Variants in SH3PXD2A observed in about 807,000 individuals in gnomAD.
SH3PXD2A encodes SH3 and PX domains 2A, also known as SH3 and PX domain-containing protein 2A.
A neutral mutation model predicts 115.2 loss-of-function variants in SH3PXD2A; 32 were observed. The observed-to-expected ratio is 0.28, with a 90% CI of 0.21 to 0.37. SH3PXD2A has a LOEUF of 0.37. SH3PXD2A is among the 10% of genes least tolerant of loss of function. The pLI is 1.00. For missense variants in SH3PXD2A, 1,328 were observed against 1,498.7 expected (o/e 0.89, Z 1.88); for synonymous variants, 610 against 629.1 (o/e 0.97, Z 0.45).
intron 5 of SH3PXD2A, chr10:103,693,294 CCCCGCCCCGCCCCAG>C (rs2037784197): frequency 6.7e-6 from 1 of 149,270 alleles, no homozygotes. Context: ...GCCCGCCCCG[CCCCGCCCCGCCCCAG>C]CCCGCCCCGC....
intron 5 of SH3PXD2A, among the ~76,000 whole-genome samples, chr10:103,699,055 AT>A (rs1434682348): frequency 6.6e-6 from 1 of 151,990 alleles, no homozygotes; most frequent in Non-Finnish European, 1.5e-5. Context: ...TTGGGGAGTG[AT>A]TTGGTCAGAT....
chr10:103,631,520 A>G (rs1020071091), intron 8 of SH3PXD2A, among the ~76,000 whole-genome samples: 2 of 152,172 alleles, frequency 1.3e-5, no homozygotes, highest in African/African-American at 4.8e-5. Flanking sequence ...AATCATTTGA[A>G]CAGAGACAGT....
chr10:103,644,520 T>C (rs546860098), intron 8 of SH3PXD2A, among the ~76,000 whole-genome samples: 6 of 144,674 alleles, frequency 4.1e-5, no homozygotes, highest in African/African-American at 1.0e-4. Flanking sequence ...CAGGAGGTCA[T>C]AGCTGCAATG....
intron 5 of SH3PXD2A, among the ~76,000 whole-genome samples, chr10:103,715,761 T>G (rs1003674738): frequency 3.3e-5 from 5 of 152,218 alleles, no homozygotes; most frequent in South Asian, 2.1e-4. Context: ...AGGCCAGACC[T>G]GGCATTCGAC....
In SH3PXD2A at chr10:103,698,316, G is replaced by A. The variant is rs74154595; in HGVS notation, c.399-5260C>T. Among the ~76,000 whole-genome samples the A allele has an allele frequency of 2.0e-3, 309 of 152,294 alleles. 2 individuals carry two copies. The highest frequency in any genetic ancestry group is 6.8e-3 in the African/African-American group (283 of 41,556). ...TGCAGGGTTGTACCCTCCACTGCCC[G>A]CCACACCCCTCACCACTCTCCCTCC... On this transcript the variant is annotated intron_variant, in intron 5 of 14. Transcript: ENST00000369774.
intron 2 of SH3PXD2A, among the ~76,000 whole-genome samples, chr10:103,769,993 A>C (rs987119806): frequency 5.3e-5 from 8 of 152,212 alleles, no homozygotes; most frequent in African/African-American, 1.9e-4. Flanking sequence ...CTACGACATA[A>C]GGAATTCATG....
At chr10:103,671,980 G>A (rs1454764367) in intron 6 of SH3PXD2A, among the ~76,000 whole-genome samples, 6 of 152,208 alleles carry the variant, frequency 3.9e-5, no homozygotes, top group Non-Finnish European at 7.3e-5. Context: ...GTGGCCCTGG[G>A]CAAGTGGCTT....
chr10:103,702,631 G>A (rs1160617631), intron 5 of SH3PXD2A, among the ~76,000 whole-genome samples: 1 of 130,070 alleles, frequency 7.7e-6, no homozygotes, highest in Non-Finnish European at 1.7e-5. Flanking sequence ...GGTGCGGAGG[G>A]CAAGAAGGCT....
chr10:103,761,523 G>T (rs942106963), intron 3 of SH3PXD2A, among the ~76,000 whole-genome samples: 1 of 152,202 alleles, frequency 6.6e-6, no homozygotes, highest in Admixed American at 6.5e-5. Context: ...AAAATAATAA[G>T]TTAAGTGGTT....
chr10:103,669,432 T>TGA (rs2037428355), intron 6 of SH3PXD2A, among the ~76,000 whole-genome samples: 1 of 152,210 alleles, frequency 6.6e-6, no homozygotes, highest in South Asian at 2.1e-4. Flanking sequence ...AACTTATGAT[T>TGA]GAGATGTGAT....
intron 5 of SH3PXD2A, among the ~76,000 whole-genome samples, chr10:103,706,309 G>A (rs1348555047): frequency 3.3e-5 from 5 of 152,140 alleles, no homozygotes; most frequent in Admixed American, 2.0e-4. Flanking sequence ...GGCTGGACTG[G>A]AGGAGCCTGA....
At chr10:103,840,755 T>A (rs1188574197) in intron 1 of SH3PXD2A, among the ~76,000 whole-genome samples, 2 of 152,258 alleles carry the variant, frequency 1.3e-5, no homozygotes, top group Non-Finnish European at 2.9e-5. Flanking sequence ...ATAATAGTGC[T>A]TTTCTCATAG....
intron 1 of SH3PXD2A, among the ~76,000 whole-genome samples, chr10:103,816,105 C>T (rs911131586): frequency 4.0e-5 from 6 of 151,878 alleles, no homozygotes; most frequent in African/African-American, 4.8e-5. Context: ...TCACTAATAC[C>T]GTATTGCATG....
intron 7 of SH3PXD2A, chr10:103,662,024 G>T: frequency 1.1e-6 from 1 of 900,766 alleles, no homozygotes; most frequent in Non-Finnish European, 1.3e-6. Flanking sequence ...CCCCAGCCCT[G>T]CTTCCAGAGA....
chr10:103,849,780 T>C (rs1159194961), intron 1 of SH3PXD2A, among the ~76,000 whole-genome samples: 12 of 152,140 alleles, frequency 7.9e-5, no homozygotes, highest in African/African-American at 2.4e-4. Flanking sequence ...TCAGAACCTA[T>C]TTCCAAAGCC....
At chr10:103,730,270 A>AT (rs1036527606) in intron 4 of SH3PXD2A, among the ~76,000 whole-genome samples, 28 of 68,812 alleles carry the variant, frequency 4.1e-4, no homozygotes, top group East Asian at 3.9e-3. Flanking sequence ...CTGCACACTG[A>AT]TTTTTTTTGT....
chr10:103,635,452 G>A (rs1323287906), intron 8 of SH3PXD2A, among the ~76,000 whole-genome samples: 1 of 152,218 alleles, frequency 6.6e-6, no homozygotes, highest in Non-Finnish European at 1.5e-5. Context: ...TGCCTGCCAG[G>A]GCCTTGCTTA....
intron 1 of SH3PXD2A, among the ~76,000 whole-genome samples, chr10:103,821,341 C>T (rs1205622291): frequency 2.0e-5 from 3 of 152,046 alleles, no homozygotes; most frequent in Admixed American, 2.0e-4. Flanking sequence ...GTCAGCCAGG[C>T]TAGTCTCGAA....
At chr10:103,640,927 A>G (rs1490829296) in intron 8 of SH3PXD2A, among the ~76,000 whole-genome samples, 2 of 152,090 alleles carry the variant, frequency 1.3e-5, no homozygotes, top group Non-Finnish European at 2.9e-5. Context: ...GCTACAGGGA[A>G]GCACTGACAG....
Sources: allele counts gnomAD v4.1 joint callset (sites outside exome capture counted in the v4.1 genomes callset), GRCh38; gene constraint gnomAD v4.1.1; transcripts MANE v1.5; gene names NCBI Gene and HGNC (gene_info 2026-07-23, HGNC 2026-07-21).